Variants in KCNMA1 observed in about 807,000 individuals in gnomAD.
KCNMA1 encodes the protein potassium calcium-activated channel subfamily M alpha 1, also known as Calcium-activated potassium channel subunit alpha-1.
Under a neutral mutation model 140.0 loss-of-function variants are expected in KCNMA1, and 29 were observed. That is an observed-to-expected ratio of 0.21 (90% CI 0.15 to 0.28). The LOEUF (loss-of-function observed/expected upper bound fraction) is 0.28. Among genes scored for constraint, KCNMA1 ranks in the 10% least tolerant of loss-of-function variants. The pLI, the probability that KCNMA1 is intolerant of heterozygous loss-of-function variation, is 1.00. For missense variants in KCNMA1, 880 were observed against 1,602.2 expected, an observed-to-expected ratio of 0.55 and a Z score of 7.70; for synonymous variants, 612 against 611.9, an observed-to-expected ratio of 1.00 and a Z score of 0.00.
chr10:77,569,835 C>T (rs1481303519), intron 1 of KCNMA1, among the ~76,000 whole-genome samples: 4 of 152,140 alleles, frequency 2.6e-5, no homozygotes, highest in African/African-American at 9.7e-5. Context: ...ACAACCTACT[C>T]ATCTGACAAA....
At chr10:77,587,561 A>G (rs193249558) in intron 1 of KCNMA1, among the ~76,000 whole-genome samples, 121 of 152,250 alleles carry the variant, frequency 7.9e-4, no homozygotes, top group African/African-American at 2.8e-3. Flanking sequence ...ACAAAGCTAG[A>G]GAGTGTGAGG....
intron 2 of KCNMA1, among the ~76,000 whole-genome samples, chr10:77,355,923 C>A (rs765562666): frequency 2.7e-4 from 41 of 152,214 alleles, no homozygotes; most frequent in Non-Finnish European, 5.9e-4. Context: ...ACGCATTACT[C>A]AGTGAAAAAA....
Position 77,517,921 on chromosome 10 carries a change from G to A in KCNMA1, c.379-113898C>T, listed in dbSNP as rs150608999. 1.7e-3 allele frequency among the ~76,000 whole-genome samples: 264 copies of A among 152,266 alleles called. 3 individuals are homozygous for A. Among genetic ancestry groups the A allele is most frequent in the African/African-American group, 5.9e-3 (247 of 41,540 alleles). Reference sequence around the variant, plus strand: ...TGTGTTAAGACAAATATAAGATGGTGACAAATGCCCCAGAGAAAATAATAA... The same window carrying A: ...TGTGTTAAGACAAATATAAGATGGTAACAAATGCCCCAGAGAAAATAATAA... On this transcript the variant is annotated intron_variant, in intron 1 of 27. Transcript: ENST00000286628.
At chr10:76,905,990 T>G (rs1421561553) in intron 25 of KCNMA1, among the ~76,000 whole-genome samples, 1 of 152,220 alleles carries the variant, frequency 6.6e-6, no homozygotes, top group Non-Finnish European at 1.5e-5. Context: ...TTTACAACCT[T>G]TACCCATTTA....
At chr10:76,978,690 T>G (rs1481649864) in intron 19 of KCNMA1, 1 of 152,160 alleles carries the variant, frequency 6.6e-6, no homozygotes, top group East Asian at 1.9e-4. Flanking sequence ...AGATTTGGAT[T>G]TACTGTAGGT....
chr10:76,926,258 CTG>C (rs2057658025), intron 23 of KCNMA1, among the ~76,000 whole-genome samples: 1 of 152,174 alleles, frequency 6.6e-6, no homozygotes, highest in Admixed American at 6.5e-5. Context: ...AACTTGAACA[CTG>C]TGGCTAGACT....
chr10:77,120,404 C>T (rs557305191), intron 6 of KCNMA1, among the ~76,000 whole-genome samples: 66 of 152,156 alleles, frequency 4.3e-4, no homozygotes, highest in Middle Eastern at 3.4e-3. Context: ...TGTAGGTTTT[C>T]CCCCAAAAGG....
At chr10:77,290,644 C>G (rs186318900) in intron 2 of KCNMA1, among the ~76,000 whole-genome samples, 2 of 152,268 alleles carry the variant, frequency 1.3e-5, no homozygotes, top group African/African-American at 4.8e-5. Context: ...TCCCTCAAAA[C>G]CAAAAGTACT....
chr10:77,625,021 AG>A (rs1258970766), intron 1 of KCNMA1, among the ~76,000 whole-genome samples: 1 of 151,956 alleles, frequency 6.6e-6, no homozygotes, highest in Non-Finnish European at 1.5e-5. Flanking sequence ...CATCTCCTGG[AG>A]GGGGAATTTG....
At chr10:77,506,032 T>A (rs1321949984) in intron 1 of KCNMA1, among the ~76,000 whole-genome samples, 3 of 152,134 alleles carry the variant, frequency 2.0e-5, no homozygotes, top group African/African-American at 7.2e-5. Flanking sequence ...CTGAAAACCA[T>A]GCTGCTTGGG....
chr10:76,975,504 T>C (rs2077208254), intron 19 of KCNMA1: 1 of 152,270 alleles, frequency 6.6e-6, no homozygotes, highest in Non-Finnish European at 1.5e-5. Context: ...GGTAGTATGA[T>C]TCCTGTAAAG....
intron 1 of KCNMA1, among the ~76,000 whole-genome samples, chr10:77,527,797 T>C (rs151311880): frequency 5.9e-5 from 9 of 151,908 alleles, no homozygotes; most frequent in Non-Finnish European, 1.3e-4. Context: ...GAACACAGGG[T>C]GGAGGGTGGC....
chr10:77,106,483 C>T (rs1489322156), intron 9 of KCNMA1, among the ~76,000 whole-genome samples: 1 of 151,760 alleles, frequency 6.6e-6, no homozygotes, highest in African/African-American at 2.4e-5. Context: ...CGAAAGCTGC[C>T]GGCCTCCAGC....
At chr10:77,422,033 A>G (rs2096876952) in intron 1 of KCNMA1, among the ~76,000 whole-genome samples, 1 of 152,282 alleles carries the variant, frequency 6.6e-6, no homozygotes, top group African/African-American at 2.4e-5. Context: ...CACTGCATAC[A>G]GCATAGCAAA....
rs527330363 is a variant in KCNMA1 at position 77,326,025 on chromosome 10, C to G, written c.541-74769G>C. Among the ~76,000 whole-genome samples, 9 of 152,296 alleles carry G rather than the reference C, an allele frequency of 5.9e-5. No homozygotes were observed. The South Asian group carries it at 1.7e-3, about 28-fold the overall frequency. ...GTTTCTTCCCCCCCATTTCTAAGGACAGGAACCATGCCTCTTACCTCTGCA... is the reference window on the plus strand; with the variant it reads ...GTTTCTTCCCCCCCATTTCTAAGGAGAGGAACCATGCCTCTTACCTCTGCA... On this transcript the variant is annotated intron_variant, in intron 2 of 27. Coordinates refer to ENST00000286628, the MANE Select transcript of KCNMA1 (RefSeq NM_001161352.2).
At chr10:76,977,694 C>T (rs1416935991) in intron 19 of KCNMA1, 5 of 701,780 alleles carry the variant, frequency 7.1e-6, no homozygotes, top group Non-Finnish European at 1.0e-5. Flanking sequence ...CTGAAGTGCA[C>T]AGATCTGGGG....
chr10:77,051,335 G>A (rs192235391), intron 14 of KCNMA1, among the ~76,000 whole-genome samples: 18 of 152,298 alleles, frequency 1.2e-4, no homozygotes, highest in Non-Finnish European at 2.4e-4. Context: ...GCTGAACAGA[G>A]CCATTCCAGC....
chr10:77,032,846 G>A (rs2094037317), intron 15 of KCNMA1, among the ~76,000 whole-genome samples: 1 of 152,048 alleles, frequency 6.6e-6, no homozygotes, highest in South Asian at 2.1e-4. Context: ...CTACCCAGAG[G>A]GAAATACATT....
At chr10:77,310,924 G>T (rs1023767950) in intron 2 of KCNMA1, among the ~76,000 whole-genome samples, 6 of 152,172 alleles carry the variant, frequency 3.9e-5, no homozygotes, top group Middle Eastern at 3.2e-3. Context: ...ACTTAAATAT[G>T]TCTGAAGGCA....
Sources: allele counts gnomAD v4.1 joint callset (sites outside exome capture counted in the v4.1 genomes callset), GRCh38; gene constraint gnomAD v4.1.1; transcripts MANE v1.5; gene names NCBI Gene and HGNC (gene_info 2026-07-23, HGNC 2026-07-21).